SH3KBP1: variants seen among roughly 807,000 people sequenced by gnomAD.
SH3KBP1 encodes the protein SH3 domain-containing kinase-binding protein 1.
SH3KBP1 carries 8 observed loss-of-function variants against 50.1 expected under a neutral mutation model. The observed-to-expected ratio is 0.16, with a 90% CI of 0.09 to 0.29. The LOEUF (loss-of-function observed/expected upper bound fraction) is 0.29. SH3KBP1 is among the 10% of genes least tolerant of loss of function. The probability of loss-of-function intolerance (pLI) is 1.00; values close to 1 mark genes in which losing one functional copy is unlikely to be tolerated. For synonymous variants in SH3KBP1, 227 were observed against 218.6 expected (o/e 1.04, Z -0.34); for missense variants, 377 against 535.2 (o/e 0.70, Z 2.92).
At chrX:19,722,561 T>C (rs1479730096) in intron 3 of SH3KBP1, among the ~76,000 whole-genome samples, 1 of 94,405 alleles carries the variant, frequency 1.1e-5, no homozygotes, top group African/African-American at 4.1e-5. Context: ...TGTGTGCGCG[T>C]GCGCACTGGT....
chrX:19,594,452 AT>A (rs1288065363), intron 10 of SH3KBP1, among the ~76,000 whole-genome samples: 4 of 112,156 alleles, frequency 3.6e-5, no homozygotes, highest in Non-Finnish European at 7.5e-5. Flanking sequence ...CTAGAAAAAC[AT>A]CTTTTTGTTG....
intron 13 of SH3KBP1, among the ~76,000 whole-genome samples, chrX:19,551,042 A>T (rs1457131771): frequency 1.8e-5 from 2 of 111,676 alleles, no homozygotes; most frequent in Non-Finnish European, 3.8e-5. Context: ...TCTTTTGCTG[A>T]TGGTTATAAT....
At chrX:19,664,649 A>C (rs2062551483) in intron 6 of SH3KBP1, 1 of 112,058 alleles carries the variant, frequency 8.9e-6, no homozygotes, top group Non-Finnish European at 1.9e-5. Context: ...CCTTCACTGG[A>C]AAGTACAGCA....
At chrX:19,815,906 C>T (rs1350932416) in intron 2 of SH3KBP1, among the ~76,000 whole-genome samples, 3 of 112,105 alleles carry the variant, frequency 2.7e-5, no homozygotes, top group Non-Finnish European at 5.6e-5. Flanking sequence ...TTCATCCACT[C>T]AAAGACAATT....
At chrX:19,640,077 G>A (rs939820274) in intron 7 of SH3KBP1, among the ~76,000 whole-genome samples, 34 of 110,852 alleles carry the variant, frequency 3.1e-4, no homozygotes, top group African/African-American at 1.1e-3. Flanking sequence ...AGCATATGCA[G>A]TAGTTGCAAA....
chrX:19,823,671 T>C (rs1299421257), intron 2 of SH3KBP1, among the ~76,000 whole-genome samples: 1 of 112,379 alleles, frequency 8.9e-6, no homozygotes, highest in Non-Finnish European at 1.9e-5. Flanking sequence ...ACTGGAGTGA[T>C]AGCTCATCAC....
chrX:19,842,758 C>A (rs747898892), intron 1 of SH3KBP1, among the ~76,000 whole-genome samples: 1 of 109,574 alleles, frequency 9.1e-6, no homozygotes, highest in East Asian at 2.9e-4. Flanking sequence ...ACATAGGACC[C>A]AACTGTGATC....
chrX:19,621,491 T>C (rs1054825998), intron 8 of SH3KBP1, among the ~76,000 whole-genome samples: 1 of 111,022 alleles, frequency 9.0e-6, no homozygotes, highest in Non-Finnish European at 1.9e-5. Flanking sequence ...TTCCAGATAT[T>C]CTATTTCAAG....
intron 3 of SH3KBP1, among the ~76,000 whole-genome samples, chrX:19,714,879 C>T: frequency 8.9e-6 from 1 of 111,757 alleles, no homozygotes; most frequent in Admixed American, 9.5e-5. Flanking sequence ...TTAATTCTAT[C>T]GCAGTTACCT....
chrX:19,649,281 T>C (rs777143501), intron 6 of SH3KBP1, among the ~76,000 whole-genome samples: 8 of 112,028 alleles, frequency 7.1e-5, no homozygotes, highest in African/African-American at 2.3e-4. Context: ...CCGGGGGATC[T>C]GGAAACAGAC....
intron 2 of SH3KBP1, among the ~76,000 whole-genome samples, chrX:19,766,311 C>T (rs908989592): frequency 5.5e-5 from 6 of 109,221 alleles, no homozygotes; most frequent in Non-Finnish European, 1.1e-4. Flanking sequence ...GGTATGTCTT[C>T]TTTGGAAAAC....
intron 8 of SH3KBP1, among the ~76,000 whole-genome samples, chrX:19,613,639 T>C (rs996319735): frequency 2.7e-5 from 3 of 113,043 alleles, no homozygotes; most frequent in African/African-American, 9.6e-5. Context: ...AATGATGTTT[T>C]TCCTTTTAAG....
At chrX:19,812,939 C>T (rs1300704059) in intron 2 of SH3KBP1, among the ~76,000 whole-genome samples, 1 of 110,632 alleles carries the variant, frequency 9.0e-6, no homozygotes, top group Non-Finnish European at 1.9e-5. Context: ...CGCACCACTG[C>T]ACTCCAGCCT....
intron 3 of SH3KBP1, among the ~76,000 whole-genome samples, chrX:19,740,525 C>A (rs1344203108): frequency 1.8e-5 from 2 of 112,160 alleles, no homozygotes; most frequent in Non-Finnish European, 3.8e-5. Flanking sequence ...TAAACACCAG[C>A]TCCTTAAGTC....
intron 3 of SH3KBP1, among the ~76,000 whole-genome samples, chrX:19,715,900 A>T (rs2063896471): frequency 1.8e-5 from 2 of 110,689 alleles, no homozygotes; most frequent in African/African-American, 6.6e-5. Context: ...TGATTCATTA[A>T]CAAACACTGC....
At position 19,723,175 on chromosome X, in the gene SH3KBP1, T is replaced by C. The variant is rs536457753; in HGVS notation, c.287-16191A>G. On this transcript the variant is annotated intron_variant, in intron 3 of 17. Coordinates refer to ENST00000397821, the MANE Select transcript of SH3KBP1 (RefSeq NM_031892.3). ...AAAAAAAAAAAAAAAGTGTTAAAAGTAAAAGAGTCAAGAAAACACCAATTC... is the reference window on the plus strand; with the variant it reads ...AAAAAAAAAAAAAAAGTGTTAAAAGCAAAAGAGTCAAGAAAACACCAATTC... Among the ~76,000 whole-genome samples, 35 of 99,101 alleles carry C rather than the reference T, an allele frequency of 3.5e-4. No homozygotes were observed. The South Asian group carries it at 0.014, about 41-fold the overall frequency. 86.1% of individuals were successfully genotyped at this position (99,101 alleles called of 115,157 possible).
intron 3 of SH3KBP1, among the ~76,000 whole-genome samples, chrX:19,742,800 C>T (rs2064809551): frequency 8.9e-6 from 1 of 112,158 alleles, no homozygotes; most frequent in South Asian, 3.7e-4. Context: ...AAGAGAATGA[C>T]ATTTGGCTCC....
At chrX:19,632,011 G>A (rs2061589712) in intron 7 of SH3KBP1, 53 bp from the exon 8 acceptor site, 12 of 791,424 alleles carry the variant, frequency 1.5e-5, no homozygotes, top group South Asian at 2.7e-5. Context: ...TAATGAGCTG[G>A]CCCAGGAGAA....
At chrX:19,737,813 A>G (rs1285763454) in intron 3 of SH3KBP1, among the ~76,000 whole-genome samples, 1 of 112,350 alleles carries the variant, frequency 8.9e-6, no homozygotes, top group African/African-American at 3.2e-5. Context: ...GGACCCAAGA[A>G]ATGATCAGAG....
Sources: gnomAD v4.1 joint callset for allele counts (sites outside exome capture counted in the v4.1 genomes callset) on GRCh38, gnomAD v4.1.1 for gene constraint, MANE v1.5 for transcripts, NCBI Gene and HGNC (gene_info 2026-07-23, HGNC 2026-07-21) for gene names.